The following ADAMDEC1 variants were observed in gnomAD, a reference collection of about 807,000 sequenced individuals.
ADAMDEC1 encodes ADAM like decysin 1, also known as ADAM DEC1.
In ADAMDEC1, 62 loss-of-function variants were observed where a neutral mutation model predicts 60.4. The ratio of observed to expected loss-of-function variants is 1.03; its 90% CI spans 0.84 to 1.27. The LOEUF (loss-of-function observed/expected upper bound fraction) is 1.27. Among genes scored for constraint, ADAMDEC1 ranks in the 50% most tolerant of loss-of-function variants. The pLI is 0.00. For missense variants in ADAMDEC1, 595 were observed against 565.0 expected (o/e 1.05, Z -0.54); for synonymous variants, 210 against 195.1 (o/e 1.08, Z -0.64).
At chr8:24,399,788 G>A (rs1412534198) in intron 10 of ADAMDEC1, among the ~76,000 whole-genome samples, 3 of 152,248 alleles carry the variant, frequency 2.0e-5, no homozygotes, top group African/African-American at 7.2e-5. Flanking sequence ...CAGTATCTAT[G>A]GCCAGAGAGG....
chr8:24,393,027 C>A (rs188337194), intron 2 of ADAMDEC1, among the ~76,000 whole-genome samples: 133 of 150,982 alleles, frequency 8.8e-4, no homozygotes, highest in Non-Finnish European at 1.5e-3. Context: ...AATGAGAAGT[C>A]CCTATCTCAC....
intron 7 of ADAMDEC1, 63 bp from the exon 8 acceptor site, chr8:24,398,417 A>T (rs1270582068): frequency 3.3e-6 from 3 of 917,026 alleles, no homozygotes; most frequent in African/African-American, 3.4e-5. Context: ...GAAATCTTGT[A>T]TGCCATCAGC....
intron 3 of ADAMDEC1, among the ~76,000 whole-genome samples, 174 bp from the exon 4 acceptor site, chr8:24,393,895 A>C (rs1366568541): frequency 1.3e-5 from 2 of 152,204 alleles, no homozygotes; most frequent in African/African-American, 4.8e-5. Flanking sequence ...AATAGGAAGA[A>C]CCAACTCTCT....
rs1449903205 is a variant in ADAMDEC1 at position 24,384,310 on chromosome 8, A to G, written c.-195A>G. On this transcript the variant is annotated 5_prime_UTR_variant, in exon 1 of 14. Transcript: ENST00000256412. ...AGATGTGAGTCCTCAATGAGCTATA[A>G]CCACAGCCATAAATATCTCTCAAAG... The G allele has an allele frequency of 2.3e-5, 13 of 567,258 alleles. No individual in the cohort carries two copies. The highest frequency in any genetic ancestry group is 4.0e-5 in the Non-Finnish European group (13 of 322,234). The allele number at this position is 567,258 out of a possible 1,614,324, so 35.1% of individuals were successfully genotyped here.
Position 24,395,864 on chromosome 8 carries a change from G to A in ADAMDEC1, c.440+68G>A, listed in dbSNP as rs528066642. On this transcript the variant is annotated intron_variant, in intron 5 of 13. Transcript: ENST00000256412. ...TGTTACACAGAATTAAGGGCTACTA[G>A]ATATTGTCTTCTTACTATTTTGGTA... The A allele has an allele frequency of 3.7e-5, 45 of 1,220,372 alleles. No homozygotes were observed. The Admixed American group carries it at 4.4e-4, about 12-fold the overall frequency. 75.6% of individuals were successfully genotyped at this position (1,220,372 alleles called of 1,614,324 possible).
intron 1 of ADAMDEC1, 97 bp downstream of exon 1, chr8:24,384,689 C>T (rs544397132): frequency 1.2e-4 from 129 of 1,117,650 alleles, no homozygotes; most frequent in African/African-American, 4.3e-4. Context: ...TTTTTATGGT[C>T]GAAAGACCAT....
At chr8:24,403,884 CAG>C in intron 12 of ADAMDEC1, 117 bp from the exon 13 acceptor site, 1 of 684,664 alleles carries the variant, frequency 1.5e-6, no homozygotes. Context: ...ATTTGCCTAT[CAG>C]AGTAATTTAC....
chr8:24,389,415 T>A (rs1480394647), intron 1 of ADAMDEC1, among the ~76,000 whole-genome samples: 1 of 152,098 alleles, frequency 6.6e-6, no homozygotes, highest in East Asian at 1.9e-4. Context: ...TGACCACACC[T>A]CACTGCTTCC....
intron 7 of ADAMDEC1, among the ~76,000 whole-genome samples, chr8:24,398,139 A>C (rs1009736874): frequency 6.6e-6 from 1 of 151,512 alleles, no homozygotes; most frequent in Non-Finnish European, 1.5e-5. Context: ...GATACAGAGG[A>C]AAATACTAGA....
intron 12 of ADAMDEC1, among the ~76,000 whole-genome samples, chr8:24,402,925 G>A (rs753810382): frequency 2.0e-5 from 3 of 152,102 alleles, no homozygotes; most frequent in African/African-American, 7.2e-5. Flanking sequence ...ACATTTTATA[G>A]CAAATTAGAG....
At chr8:24,400,079 T>C in intron 10 of ADAMDEC1, 91 bp from the exon 11 acceptor site, 1 of 1,057,270 alleles carries the variant, frequency 9.5e-7, no homozygotes, top group Non-Finnish European at 1.3e-6. Context: ...AACAATTCAC[T>C]AGTTTTCATC....
At chr8:24,399,981 A>G (rs1040132525) in intron 10 of ADAMDEC1, among the ~76,000 whole-genome samples, 189 bp from the exon 11 acceptor site, 3 of 152,208 alleles carry the variant, frequency 2.0e-5, no homozygotes, top group African/African-American at 7.2e-5. Context: ...ACAAATATTT[A>G]TTGAATAAAA....
At position 24,399,060 on chromosome 8, in the gene ADAMDEC1, G is replaced by A. The variant is rs759217873; in HGVS notation, c.929+20G>A. The A allele has an allele frequency of 5.2e-5, 84 of 1,604,980 alleles. No individual in the cohort carries two copies. The highest frequency in any genetic ancestry group is 6.8e-5 in the Non-Finnish European group (80 of 1,175,690). On this transcript the variant is annotated intron_variant, in intron 9 of 13. Transcript: ENST00000256412. Reference sequence around the variant, plus strand: ...TCTCAGGTGAGCACATGCTGGCCAGGTGAATGTAGGCAGAATGGATAGCTA... The same window carrying A: ...TCTCAGGTGAGCACATGCTGGCCAGATGAATGTAGGCAGAATGGATAGCTA...
chr8:24,393,920 A>ACATTGCTTCAG (rs1817514783), intron 3 of ADAMDEC1, 149 bp from the exon 4 acceptor site: 1 of 464,160 alleles, frequency 2.2e-6, no homozygotes, highest in African/African-American at 2.0e-5. Context: ...TGCTTCAGCA[A>ACATTGCTTCAG]CAGAGCTCCA....
In ADAMDEC1 at chr8:24,397,292, C is replaced by T. The variant is rs774776612; in HGVS notation, c.463C>T (p.Gln155Ter). 1 of 1,613,514 alleles carries T rather than the reference C, an allele frequency of 6.2e-7. No individual in the cohort carries two copies. Among genetic ancestry groups the T allele is most frequent in the African/African-American group, 1.3e-5 (1 of 74,958 alleles). ...CAGAGGATACTTCACACATCATCAC[C>T]AAAGATACCAGATAAAACCTCTGAA... ...GLRGYFTHHH[Q>*]RYQIKPLKST... Residue 155 changes from glutamine (Q) to a stop codon, truncating the protein, a stop_gained, in exon 6 of 14, where the codon CAA becomes TAA. Coordinates refer to ENST00000256412, the MANE Select transcript of ADAMDEC1 (RefSeq NM_014479.3). LOFTEE classifies it high-confidence loss of function.
At chr8:24,403,941 C>T in intron 12 of ADAMDEC1, 62 bp from the exon 13 acceptor site, 1 of 1,363,362 alleles carries the variant, frequency 7.3e-7, no homozygotes, top group Middle Eastern at 1.8e-4. Flanking sequence ...AGAATTCTAT[C>T]ACCTAGTCTA....
At chr8:24,403,419 C>G (rs918722000) in intron 12 of ADAMDEC1, among the ~76,000 whole-genome samples, 22 of 151,832 alleles carry the variant, frequency 1.4e-4, no homozygotes, top group African/African-American at 5.3e-4. Context: ...CCAGGCATCA[C>G]ACTATTTTAA....
At position 24,393,244 on chromosome 8, in the gene ADAMDEC1, G is replaced by A; in HGVS notation, c.208-18G>A. 6.8e-7 allele frequency: 1 copy of A among 1,478,236 alleles called. No individual in the cohort carries two copies. Among genetic ancestry groups the A allele is most frequent in the Non-Finnish European group, 9.3e-7 (1 of 1,074,360 alleles). 91.6% of individuals were successfully genotyped at this position (1,478,236 alleles called of 1,614,324 possible). On this transcript the variant is annotated intron_variant, in intron 2 of 13. Coordinates refer to ENST00000256412, the MANE Select transcript of ADAMDEC1 (RefSeq NM_014479.3). ...TGCTCAGAAATATAAATTGCTTGAT[G>A]TAATTAAATGTTTTCAGGAAAGGTA...
At chr8:24,388,933 G>A (rs1817367776) in intron 1 of ADAMDEC1, among the ~76,000 whole-genome samples, 1 of 152,198 alleles carries the variant, frequency 6.6e-6, no homozygotes, top group Non-Finnish European at 1.5e-5. Flanking sequence ...AGACAAGACA[G>A]ATGGTGGATC....
Sources: gnomAD v4.1 joint callset for allele counts (sites outside exome capture counted in the v4.1 genomes callset) on GRCh38, gnomAD v4.1.1 for gene constraint, MANE v1.5 for transcripts, NCBI Gene and HGNC (gene_info 2026-07-23, HGNC 2026-07-21) for gene names.